PDE1C: variants seen among roughly 807,000 people sequenced by gnomAD.
PDE1C encodes the protein dual specificity calcium/calmodulin-dependent 3',5'-cyclic nucleotide phosphodiesterase 1C.
PDE1C carries 62 observed loss-of-function variants against 93.1 expected under a neutral mutation model. That is an observed-to-expected ratio of 0.67 (90% confidence interval 0.54 to 0.82). The LOEUF (loss-of-function observed/expected upper bound fraction) is 0.82. Among genes scored for constraint, PDE1C ranks in the 40% least tolerant of loss-of-function variants. The probability of loss-of-function intolerance (pLI) is 0.00; values close to 1 mark genes in which losing one functional copy is unlikely to be tolerated. For synonymous variants in PDE1C, 325 were observed against 310.1 expected, an observed-to-expected ratio of 1.05 and a Z score of -0.50; for missense variants, 742 against 884.6, an observed-to-expected ratio of 0.84 and a Z score of 2.04.
At chr7:32,204,273 T>C (rs1805248630) in intron 2 of PDE1C, among the ~76,000 whole-genome samples, 1 of 152,192 alleles carries the variant, frequency 6.6e-6, no homozygotes, top group Non-Finnish European at 1.5e-5. Context: ...ATTCCTGGAA[T>C]TTTCCATTTC....
chr7:31,876,657 T>C (rs1428599407), intron 5 of PDE1C, among the ~76,000 whole-genome samples: 1 of 152,202 alleles, frequency 6.6e-6, no homozygotes, highest in Non-Finnish European at 1.5e-5. Context: ...ATAGTGGATG[T>C]TAAGAAATAT....
intron 1 of PDE1C, among the ~76,000 whole-genome samples, chr7:32,334,715 C>CATAA (rs1554307833): frequency 6.6e-6 from 1 of 151,834 alleles, no homozygotes; most frequent in Non-Finnish European, 1.5e-5. Context: ...CTTTAAACAG[C>CATAA]ACAAAGGCTA....
chr7:32,208,523 A>G (rs1437493131), intron 2 of PDE1C, among the ~76,000 whole-genome samples: 3 of 152,188 alleles, frequency 2.0e-5, no homozygotes, highest in African/African-American at 7.2e-5. Flanking sequence ...TTAATGTAAC[A>G]ATGTCCAATT....
chr7:32,199,355 A>G (rs548637536), intron 2 of PDE1C, among the ~76,000 whole-genome samples: 36 of 152,294 alleles, frequency 2.4e-4, no homozygotes, highest in African/African-American at 7.9e-4. Flanking sequence ...CTCAGCCACT[A>G]GATCTTTAGT....
chr7:32,315,932 T>C (rs904144395), intron 1 of PDE1C, among the ~76,000 whole-genome samples: 1 of 152,124 alleles, frequency 6.6e-6, no homozygotes, highest in Non-Finnish European at 1.5e-5. Flanking sequence ...GAGGCCAAAG[T>C]TGTGGTGAGC....
chr7:31,790,989 G>A (rs1199549180), intron 16 of PDE1C, among the ~76,000 whole-genome samples: 1 of 152,076 alleles, frequency 6.6e-6, no homozygotes, highest in Admixed American at 6.6e-5. Flanking sequence ...AAGTCATCAT[G>A]CCTTATAGTT....
downstream of PDE1C, among the ~76,000 whole-genome samples, chr7:31,746,298 A>G (rs988590022): frequency 6.6e-6 from 1 of 152,212 alleles, no homozygotes; most frequent in African/African-American, 2.4e-5. Flanking sequence ...ATTTGGAGGA[A>G]TGTAAAAGAT....
At chr7:31,841,447 G>T (rs1791887267) in intron 9 of PDE1C, among the ~76,000 whole-genome samples, 1 of 151,896 alleles carries the variant, frequency 6.6e-6, no homozygotes, top group African/African-American at 2.4e-5. Context: ...CTTACTCCCA[G>T]TCTTAAGGAA....
At chr7:31,657,055 G>A in the PDE1C span, among the ~76,000 whole-genome samples, 10 of 51,602 alleles carry the variant, frequency 1.9e-4, no homozygotes, top group Non-Finnish European at 2.8e-4. Context: ...ACACACACAC[G>A]CACTATATAT....
chr7:32,168,647 A>ATAACCAAGC (rs1259848889), intron 3 of PDE1C, among the ~76,000 whole-genome samples: 3 of 152,154 alleles, frequency 2.0e-5, no homozygotes, highest in Non-Finnish European at 2.9e-5. Flanking sequence ...TTTATTCAAA[A>ATAACCAAGC]CCTTATGATG....
chr7:32,269,214 G>A (rs7801379), intron 1 of PDE1C, among the ~76,000 whole-genome samples: 148,155 of 152,256 alleles, frequency 0.97, 72,212 homozygotes, highest in East Asian at 1. Context: ...TGTGACATGA[G>A]CCACCTGAGG....
At position 32,129,355 on chromosome 7, in the gene PDE1C, T is replaced by A. The variant is rs757970395; in HGVS notation, c.308+40430A>T. Among the ~76,000 whole-genome samples the A allele has an allele frequency of 1.8e-4, 22 of 123,658 alleles. 3 individuals are homozygous for A. The highest frequency in any genetic ancestry group is 2.3e-4 in the Non-Finnish European group (14 of 61,330). 81.1% of individuals were successfully genotyped at this position (123,658 alleles called of 152,430 possible). ...AACATACACAAATAGTAAAAAGATA[T>A]AAAAAATATTGCAATGATTATATCT... is the stretch of plus-strand genomic sequence containing the variant. On this transcript the variant is annotated intron_variant, in intron 3 of 18. Coordinates refer to the PDE1C transcript ENST00000396193.
intron 16 of PDE1C, among the ~76,000 whole-genome samples, chr7:31,795,745 T>C (rs190516625): frequency 1.4e-4 from 21 of 151,838 alleles, no homozygotes; most frequent in Middle Eastern, 3.4e-3. Context: ...TATAACACAA[T>C]TTATTTAAAC....
chr7:32,101,106 C>A (rs1466513561), intron 3 of PDE1C, among the ~76,000 whole-genome samples: 2 of 152,304 alleles, frequency 1.3e-5, no homozygotes, highest in East Asian at 1.9e-4. Flanking sequence ...ATAAGTTGTT[C>A]TTTTCCTTGT....
chr7:31,636,964 C>G, the PDE1C span, among the ~76,000 whole-genome samples: 1 of 147,632 alleles, frequency 6.8e-6, no homozygotes. Flanking sequence ...CAGTTCCCAC[C>G]TATGAGTGAG....
chr7:31,939,570 G>A (rs900310987), intron 2 of PDE1C, among the ~76,000 whole-genome samples: 3 of 152,050 alleles, frequency 2.0e-5, no homozygotes, highest in Non-Finnish European at 4.4e-5. Context: ...GAAAACAAAG[G>A]ATTTTTAAGG....
chr7:32,194,784 T>C (rs576963507), intron 2 of PDE1C, among the ~76,000 whole-genome samples: 9 of 152,248 alleles, frequency 5.9e-5, no homozygotes, highest in Admixed American at 4.6e-4. Flanking sequence ...ATTATTGATA[T>C]GTCAGGGCTT....
intron 1 of PDE1C, among the ~76,000 whole-genome samples, chr7:32,057,863 G>A (rs1794320140): frequency 6.6e-6 from 1 of 152,146 alleles, no homozygotes; most frequent in African/African-American, 2.4e-5. Flanking sequence ...CAGATGATTT[G>A]GAAATTGTTT....
chr7:32,238,258 G>T (rs544349766), intron 1 of PDE1C, among the ~76,000 whole-genome samples: 1 of 152,118 alleles, frequency 6.6e-6, no homozygotes, highest in Non-Finnish European at 1.5e-5. Flanking sequence ...ATGGCAATAC[G>T]AATTTATAAA....
Sources: allele counts gnomAD v4.1 joint callset (sites outside exome capture counted in the v4.1 genomes callset), GRCh38; gene constraint gnomAD v4.1.1; transcripts MANE v1.5; gene names NCBI Gene and HGNC (gene_info 2026-07-23, HGNC 2026-07-21).